LIMS2: variants seen among roughly 807,000 people sequenced by gnomAD.
LIMS2 encodes LIM and senescent cell antigen-like-containing domain protein 2.
LIMS2 carries 30 observed loss-of-function variants against 45.3 expected under a neutral mutation model. The ratio of observed to expected loss-of-function variants is 0.66; its 90% CI spans 0.50 to 0.90. The LOEUF (loss-of-function observed/expected upper bound fraction) is 0.90. Among genes scored for constraint, LIMS2 ranks in the 40% least tolerant of loss-of-function variants. The pLI, the probability that LIMS2 is intolerant of heterozygous loss-of-function variation, is 0.00. For synonymous variants in LIMS2, 173 were observed against 188.0 expected, an observed-to-expected ratio of 0.92 and a Z score of 0.65; for missense variants, 485 against 468.7, an observed-to-expected ratio of 1.03 and a Z score of -0.32.
At chr2:127,668,693 A>ACC (rs1685138942) in intron 1 of LIMS2, among the ~76,000 whole-genome samples, 1 of 134,452 alleles carries the variant, frequency 7.4e-6, no homozygotes. Context: ...AAAAAAAAAA[A>ACC]AAAAAAAAAA....
chr2:127,660,777 A>C (rs959033533), intron 1 of LIMS2, among the ~76,000 whole-genome samples: 2 of 152,226 alleles, frequency 1.3e-5, no homozygotes, highest in Admixed American at 6.5e-5. Context: ...CAGCCTGGCC[A>C]CACACACTCT....
At position 127,647,550 on chromosome 2, in the gene LIMS2, G is replaced by A. The variant is rs1683126762; in HGVS notation, c.360-4478C>T. On this transcript the variant is annotated intron_variant, in intron 4 of 9. Coordinates refer to ENST00000355119, the MANE Select transcript of LIMS2 (RefSeq NM_001161403.3). The surrounding 1 kb of genome is among the most constrained non-coding windows in gnomAD (Gnocchi z 4.3). ...CGTGGGGCCAGGTGATGCCTGCACTGTGGGGCACAGCACAGGCCTGAGGGA... is the reference window on the plus strand; with the variant it reads ...CGTGGGGCCAGGTGATGCCTGCACTATGGGGCACAGCACAGGCCTGAGGGA... Among the ~76,000 whole-genome samples the A allele has an allele frequency of 6.6e-6, 1 of 152,114 alleles. No homozygotes were observed. Among genetic ancestry groups the A allele is most frequent in the African/African-American group, 2.4e-5 (1 of 41,424 alleles).
intron 1 of LIMS2, among the ~76,000 whole-genome samples, chr2:127,669,621 G>A (rs1159795933): frequency 2.6e-5 from 4 of 152,116 alleles, no homozygotes; most frequent in African/African-American, 7.2e-5. Context: ...GAGGGGCTGA[G>A]GCAGAAGAAT....
At position 127,642,317 on chromosome 2, in the gene LIMS2, G is replaced by A. The variant is rs978112916; in HGVS notation, c.510-118C>T. 9.8e-6 allele frequency: 12 copies of A among 1,221,800 alleles called. No homozygotes were observed. Among genetic ancestry groups the A allele is most frequent in the East Asian group, 5.4e-5 (2 of 36,848 alleles). The allele number at this position is 1,221,800 out of a possible 1,614,324, so 75.7% of individuals were successfully genotyped here. A position where few individuals can be genotyped will look rare whatever the true frequency, so the allele number is the denominator to read the frequency against. ...GGGCCCATTCTGTCCCTGCAGAGCCGAGGCGGCAGCGCCTTCTGATCTCTG... is the reference window on the plus strand; with the variant it reads ...GGGCCCATTCTGTCCCTGCAGAGCCAAGGCGGCAGCGCCTTCTGATCTCTG... On this transcript the variant is annotated intron_variant, in intron 5 of 9. Coordinates refer to ENST00000355119, the MANE Select transcript of LIMS2 (RefSeq NM_001161403.3). This position sits in a 1 kb window ranked among gnomAD's most constrained non-coding sequence, Gnocchi z 5.3.
chr2:127,679,883 A>T (rs1421086608), upstream of LIMS2, among the ~76,000 whole-genome samples: 5 of 152,180 alleles, frequency 3.3e-5, no homozygotes. This position sits in a 1 kb window ranked among gnomAD's most constrained non-coding sequence, Gnocchi z 5.3. Context: ...GCCACAGCCC[A>T]GGTCCTGGGG....
intron 4 of LIMS2, chr2:127,652,450 A>G (rs953924868): frequency 1.2e-5 from 2 of 167,370 alleles, no homozygotes; most frequent in Non-Finnish European, 2.9e-5. Flanking sequence ...AAGCATGTGC[A>G]GTCACGGGAG....
At position 127,654,186 on chromosome 2, in the gene LIMS2, G is replaced by A. The variant is rs551317920; in HGVS notation, c.359+238C>T. ...GGTGGCCAGGGGGGTGGCAGAGTGT[G>A]AGGATTTCTCATGGCTCCCGAGAGG... On this transcript the variant is annotated intron_variant, in intron 4 of 9. Coordinates refer to ENST00000355119, the MANE Select transcript of LIMS2 (RefSeq NM_001161403.3). 1.0e-3 allele frequency among the ~76,000 whole-genome samples: 154 copies of A among 152,266 alleles called. 1 individual carries two copies. The highest frequency in any genetic ancestry group is 3.6e-3 in the African/African-American group (151 of 41,554).
chr2:127,662,690 G>C (rs928174224), intron 1 of LIMS2, among the ~76,000 whole-genome samples: 2 of 151,318 alleles, frequency 1.3e-5, no homozygotes, highest in Non-Finnish European at 2.9e-5. Flanking sequence ...TATACCTAAT[G>C]CTAAATGACG....
chr2:127,668,706 A>C (rs1299729783), intron 1 of LIMS2, among the ~76,000 whole-genome samples: 1 of 133,690 alleles, frequency 7.5e-6, no homozygotes, highest in South Asian at 2.3e-4. Context: ...AAAAAAAAAA[A>C]AAAAACACCT....
rs773264741 is a variant in LIMS2, at chr2:127,643,031, C to A, written c.401G>T (p.Gly134Val). Residue 134 changes from glycine (G) to valine (V), a missense_variant, in exon 5 of 10, where the codon GGC (glycine) becomes GTC (valine). By Grantham distance (109) the Gly-to-Val change is moderately radical (BLOSUM62 -3). Transcript: ENST00000355119. ...CCGCTGGCAGATGTACTTGCCCAGG[C>A]CCTTGGCCTTCTCACGGTTGTGGCA... The part of the protein sequence containing the change: ...RPCHNREKAK[G>V]LGKYICQRCH... 10 of 1,588,214 alleles carry A rather than the reference C, an allele frequency of 6.3e-6. No individual in the cohort carries two copies. The highest frequency in any genetic ancestry group is 1.8e-5 in the Admixed American group (1 of 56,210).
chr2:127,664,465 G>A lies in LIMS2; in HGVS notation c.12-6903C>T. On this transcript the variant is annotated intron_variant, in intron 1 of 9. Coordinates refer to ENST00000355119, the MANE Select transcript of LIMS2 (RefSeq NM_001161403.3). This position sits in a 1 kb window ranked among gnomAD's most constrained non-coding sequence, Gnocchi z 5.5. Reference sequence around the variant, plus strand: ...GCTATGGGACCACCTCGGAGGGGAGGCGCGGCCGCCTGGGGCCAGACACCA... The same window carrying A: ...GCTATGGGACCACCTCGGAGGGGAGACGCGGCCGCCTGGGGCCAGACACCA... The A allele has an allele frequency of 8.5e-7, 1 of 1,182,924 alleles. No homozygotes were observed. 73.3% of individuals were successfully genotyped at this position (1,182,924 alleles called of 1,614,324 possible).
At chr2:127,651,291 C>G in intron 4 of LIMS2, 1 of 1,607,984 alleles carries the variant, frequency 6.2e-7, no homozygotes, top group Non-Finnish European at 8.5e-7. Context: ...GCAGCTGTAC[C>G]GGGAGAAGGC....
rs150896461 is a variant in LIMS2, at chr2:127,670,189, T to C, written c.11+4825A>G. On this transcript the variant is annotated intron_variant, in intron 1 of 9. Transcript: ENST00000355119. ...ACCAAAACTTGTATGGGAATGTTCA[T>C]AGCAGTATTATTCACGGTAGCCAAA... Among the ~76,000 whole-genome samples the C allele has an allele frequency of 1.8e-4, 27 of 152,336 alleles. No individual in the cohort carries two copies. In the East Asian group the frequency reaches 5.2e-3, roughly 29 times the overall value.
rs1682089907 is a variant in LIMS2 at position 127,638,720 on chromosome 2, C to T, written c.*561G>A. ...CCAGGTAGCTTGTGGGTGTGGACAG[C>T]AGGACTTGCTGGCTCAGTGTGGGCA... On this transcript the variant is annotated 3_prime_UTR_variant, in exon 10 of 10. Coordinates refer to ENST00000355119, the MANE Select transcript of LIMS2 (RefSeq NM_001161403.3). The T allele has an allele frequency of 1.3e-5, 2 of 153,678 alleles. No individual in the cohort carries two copies. Among genetic ancestry groups the T allele is most frequent in the Admixed American group, 6.5e-5 (1 of 15,472 alleles). The allele number at this position is 153,678 out of a possible 1,614,324, so 9.5% of individuals were successfully genotyped here.
chr2:127,642,798 C>G lies in LIMS2; in HGVS notation c.509+125G>C. Reference sequence around the variant, plus strand: ...CTGCAGCCTTGCTCTCGGGACCCCTCTGTCTGCCCACCCTGCTCCCCTCTC... The same window carrying G: ...CTGCAGCCTTGCTCTCGGGACCCCTGTGTCTGCCCACCCTGCTCCCCTCTC... On this transcript the variant is annotated intron_variant, in intron 5 of 9. Coordinates refer to ENST00000355119, the MANE Select transcript of LIMS2 (RefSeq NM_001161403.3). The surrounding 1 kb of genome is among the most constrained non-coding windows in gnomAD (Gnocchi z 5.3). 9.0e-7 allele frequency: 1 copy of G among 1,115,032 alleles called. No individual in the cohort carries two copies. Among genetic ancestry groups the G allele is most frequent in the Non-Finnish European group, 1.3e-6 (1 of 795,408 alleles). The allele number at this position is 1,115,032 out of a possible 1,614,324, so 69.1% of individuals were successfully genotyped here.
intron 4 of LIMS2, among the ~76,000 whole-genome samples, chr2:127,643,812 C>T (rs554187932): frequency 1.7e-4 from 26 of 152,134 alleles, no homozygotes; most frequent in Admixed American, 2.6e-4. Flanking sequence ...CCCGTCTCCA[C>T]CTGCCACCCG....
chr2:127,660,850 C>G (rs1418591061), intron 1 of LIMS2, among the ~76,000 whole-genome samples: 4 of 149,020 alleles, frequency 2.7e-5, no homozygotes, highest in African/African-American at 9.9e-5. Context: ...AGTTCCTCGG[C>G]TGGTCCCTGA....
rs529443239 is a variant in LIMS2 at position 127,649,885 on chromosome 2, G to T, written c.359+4539C>A. 4.0e-4 allele frequency: 304 copies of T among 759,468 alleles called. No individual in the cohort carries two copies. The African/African-American group carries it at 4.9e-3, about 12-fold the overall frequency. 47.0% of individuals were successfully genotyped at this position (759,468 alleles called of 1,614,324 possible). ...AGTGTCTCTGACGCTGGGTAAAATG[G>T]GTCTTCCCCTCCTGGAAGAGATGCT... On this transcript the variant is annotated intron_variant, in intron 4 of 9. Coordinates refer to ENST00000355119, the MANE Select transcript of LIMS2 (RefSeq NM_001161403.3).
intron 4 of LIMS2, chr2:127,650,226 G>C (rs985260938): frequency 3.8e-5 from 26 of 691,012 alleles, no homozygotes; most frequent in Middle Eastern, 8.0e-4. Flanking sequence ...AGGTGGGTCA[G>C]GGAGGGTCCA....
Sources: allele counts gnomAD v4.1 joint callset (sites outside exome capture counted in the v4.1 genomes callset), GRCh38; gene constraint gnomAD v4.1.1; non-coding constraint Gnocchi (gnomAD v3.1); transcripts MANE v1.5; gene names NCBI Gene and HGNC (gene_info 2026-07-23, HGNC 2026-07-21).